DMTN: variants seen among roughly 807,000 people sequenced by gnomAD.
The protein encoded by DMTN is dematin actin binding protein.
A neutral mutation model predicts 59.4 loss-of-function variants in DMTN; 27 were observed. That is an observed-to-expected ratio of 0.45 (90% CI 0.33 to 0.63). The LOEUF (loss-of-function observed/expected upper bound fraction) is 0.63, where lower values mean the gene tolerates loss of function less well. Ranked by LOEUF, DMTN falls within the 20% of genes least tolerant of loss-of-function variation. DMTN has a pLI of 0.02. For missense variants in DMTN, 451 were observed against 528.9 expected (o/e 0.85, Z 1.45); for synonymous variants, 221 against 203.7 (o/e 1.08, Z -0.72).
intron 1 of DMTN, among the ~76,000 whole-genome samples, chr8:22,061,532 G>C (rs932185768): frequency 2.0e-5 from 3 of 152,030 alleles, no homozygotes; most frequent in African/African-American, 7.2e-5. Context: ...ACCTCTCTGA[G>C]TAGCCACCAC....
At chr8:22,079,437 G>A (rs905315073) in intron 10 of DMTN, among the ~76,000 whole-genome samples, 1 of 150,608 alleles carries the variant, frequency 6.6e-6, no homozygotes, top group Non-Finnish European at 1.5e-5. Context: ...GATGACACAC[G>A]GAGACCCCAT....
At position 22,073,742 on chromosome 8, in the gene DMTN, T is replaced by C. The variant is rs750030942; in HGVS notation, c.742T>C (p.Leu248=). The C allele has an allele frequency of 3.6e-5, 58 of 1,613,302 alleles. 1 individual carries two copies. The South Asian group carries it at 6.3e-4, about 17-fold the overall frequency. The change falls in exon 10 of 16, where the codon TTG becomes CTG. Residue 248 remains leucine (L), a synonymous_variant. Transcript: ENST00000358242. The stretch of plus-strand genomic sequence containing the variant: ...TCTCCCTCCTCAGGTTACTTCCAAC[T>C]TGGGAAAGATGATCTTGAAAGAAGA... The part of the protein sequence containing the change: ...REELSKVTSN[L]GKMILKEEME...
Position 22,070,097 on chromosome 8 carries a change from TCA to T in DMTN, c.452-82_452-81del, listed in dbSNP as rs550940280. 3.0e-4 allele frequency: 470 copies of T among 1,553,956 alleles called. 9 individuals carry two copies. The South Asian group carries it at 5.3e-3, about 18-fold the overall frequency. On this transcript the variant is annotated intron_variant, in intron 7 of 15. Coordinates refer to ENST00000358242, the MANE Select transcript of DMTN (RefSeq NM_001387751.1). ...GTACACTGCTTTTACCTGCAGGACC[TCA>T]CAGGTGTGAGGGGGGAGGGGTGAAG...
intron 10 of DMTN, among the ~76,000 whole-genome samples, chr8:22,078,757 G>A (rs557111433): frequency 6.7e-6 from 1 of 149,746 alleles, no homozygotes; most frequent in South Asian, 2.1e-4. Flanking sequence ...CCCAGTGACA[G>A]TGCTTAGAAC....
intron 10 of DMTN, among the ~76,000 whole-genome samples, chr8:22,074,959 C>T (rs1014184167): frequency 1.6e-4 from 25 of 152,016 alleles, no homozygotes; most frequent in Non-Finnish European, 1.3e-4. Flanking sequence ...GAGGCCGAGG[C>T]GGGCGGATCA....
At chr8:22,076,923 T>C (rs1433978478) in intron 10 of DMTN, among the ~76,000 whole-genome samples, 1 of 152,112 alleles carries the variant, frequency 6.6e-6, no homozygotes, top group African/African-American at 2.4e-5. Context: ...GGTTGTCTGC[T>C]GAGCGTTAGA....
chr8:22,051,558 T>C (rs2129786695), upstream of DMTN, among the ~76,000 whole-genome samples: 1 of 152,244 alleles, frequency 6.6e-6, no homozygotes, highest in East Asian at 1.9e-4. Context: ...CCCCTCGGCC[T>C]GCCCTCAGCT....
Position 22,080,445 on chromosome 8 carries a change from G to C in DMTN, c.934G>C (p.Glu312Gln), listed in dbSNP as rs1253569249. 2.5e-6 allele frequency: 4 copies of C among 1,614,140 alleles called. No individual in the cohort carries two copies. The highest frequency in any genetic ancestry group is 3.4e-6 in the Non-Finnish European group (4 of 1,180,058). ...CACAGAGTTCAGCCCATCAGGGAGTGAGACTGGAAGCCCAGGTGAGAAGTG... is the reference window on the plus strand; with the variant it reads ...CACAGAGTTCAGCCCATCAGGGAGTCAGACTGGAAGCCCAGGTGAGAAGTG... ...QSTEFSPSGS[E>Q]TGSPGLQNGE... Residue 312 changes from glutamate (E) to glutamine (Q), a missense_variant, in exon 12 of 16, where the codon GAG becomes CAG. Glu to Gln is a conservative substitution (Grantham distance 29, BLOSUM62 2). Transcript: ENST00000358242.
At position 22,081,267 on chromosome 8, in the gene DMTN, G is replaced by A. The variant is rs1020766647; in HGVS notation, c.1104+74G>A. 19 of 1,602,008 alleles carry A rather than the reference G, an allele frequency of 1.2e-5. No individual in the cohort carries two copies. The African/African-American group carries it at 2.3e-4, about 19-fold the overall frequency. On this transcript the variant is annotated intron_variant, in intron 15 of 15. Transcript: ENST00000358242. ...TCTCCTGCCTGGGGGAAGATCTGGG[G>A]CCTCTATGAGTGAGTGTCCCCTAGG...
At chr8:22,080,941 G>C (rs1225198223) in intron 14 of DMTN, 71 bp downstream of exon 14, 5 of 1,516,402 alleles carry the variant, frequency 3.3e-6, no homozygotes, top group Non-Finnish European at 4.5e-6. Context: ...AGTGGAATGT[G>C]CTGCGGGGTC....
Position 22,082,275 on chromosome 8 carries a change from A to C in DMTN, c.*812A>C, listed in dbSNP as rs776538070. ...CTCACCTACACCCACGCACCCCCCC[A>C]CACACTATGCTCTCTCAAGAATGTA... On this transcript the variant is annotated 3_prime_UTR_variant, in exon 16 of 16. Coordinates refer to ENST00000358242, the MANE Select transcript of DMTN (RefSeq NM_001387751.1). 2.2e-6 allele frequency: 1 copy of C among 455,852 alleles called. No individual in the cohort carries two copies. Among genetic ancestry groups the C allele is most frequent in the South Asian group, 1.6e-5 (1 of 64,480 alleles). 28.2% of individuals were successfully genotyped at this position (455,852 alleles called of 1,614,324 possible).
intron 4 of DMTN, among the ~76,000 whole-genome samples, chr8:22,068,211 T>A (rs896266890): frequency 1.3e-5 from 2 of 152,184 alleles, no homozygotes; most frequent in Admixed American, 1.3e-4. Context: ...CCCGACCTCA[T>A]CCTTGGATGC....
intron 1 of DMTN, among the ~76,000 whole-genome samples, chr8:22,065,028 C>T (rs754451845): frequency 6.6e-6 from 1 of 152,124 alleles, no homozygotes; most frequent in Non-Finnish European, 1.5e-5. Context: ...TCTCAAAGTA[C>T]CTAGCACATA....
At chr8:22,074,775 C>T (rs1023815839) in intron 10 of DMTN, among the ~76,000 whole-genome samples, 2 of 152,278 alleles carry the variant, frequency 1.3e-5, no homozygotes, top group Admixed American at 1.3e-4. Context: ...GGGAGCGGGG[C>T]AGGCTTTGAA....
intron 4 of DMTN, among the ~76,000 whole-genome samples, chr8:22,068,606 CAAGAGAG>C (rs1381438485): frequency 1.4e-5 from 2 of 147,224 alleles, no homozygotes. Context: ...GAATAAGAGA[CAAGAGAG>C]AAGAAAGTGG....
chr8:22,081,669 C>T lies in DMTN; in HGVS notation c.*206C>T. ...AGGCTGGGGGCCTCCTGCTCTCGTC[C>T]CTGGCCCTCCCTGCACAGGGCAAAG... On this transcript the variant is annotated 3_prime_UTR_variant, in exon 16 of 16. Transcript: ENST00000358242. The T allele has an allele frequency of 1.7e-6, 1 of 601,408 alleles. No homozygotes were observed. Among genetic ancestry groups the T allele is most frequent in the Non-Finnish European group, 3.0e-6 (1 of 335,836 alleles). 37.3% of individuals were successfully genotyped at this position (601,408 alleles called of 1,614,324 possible).
chr8:22,079,303 A>ATATATATAT lies in DMTN; in HGVS notation c.836-877_836-876insTATATATAT, dbSNP rs67715172. ...ATATATATATATATATATATATATT[A>ATATATATAT]GCTGGGTTTGATGGCGCATGCCCCT... On this transcript the variant is annotated intron_variant, in intron 10 of 15. Coordinates refer to ENST00000358242, the MANE Select transcript of DMTN (RefSeq NM_001387751.1). 5.5e-3 allele frequency among the ~76,000 whole-genome samples: 284 copies of ATATATATAT among 52,024 alleles called. 3 individuals carry two copies. The highest frequency in any genetic ancestry group is 8.4e-3 in the Non-Finnish European group (211 of 25,250). The allele number at this position is 52,024 out of a possible 152,430, so 34.1% of individuals were successfully genotyped here. A position where few individuals can be genotyped will look rare whatever the true frequency, so the allele number is the denominator to read the frequency against.
chr8:22,080,347 C>G (rs376212457), intron 11 of DMTN, 65 bp from the exon 12 acceptor site: 2 of 1,613,468 alleles, frequency 1.2e-6, no homozygotes, highest in African/African-American at 2.7e-5. Flanking sequence ...GGGGAGACCC[C>G]CAAAGTGAAG....
chr8:22,061,246 G>A (rs1216405852), intron 1 of DMTN, among the ~76,000 whole-genome samples: 1 of 148,246 alleles, frequency 6.7e-6, no homozygotes, highest in African/African-American at 2.5e-5. Context: ...TCATGCCACA[G>A]TGCTCCAGCC....
Sources: allele counts gnomAD v4.1 joint callset (sites outside exome capture counted in the v4.1 genomes callset), GRCh38; gene constraint gnomAD v4.1.1; transcripts MANE v1.5; gene names NCBI Gene and HGNC (gene_info 2026-07-23, HGNC 2026-07-21).